The following DSCAML1 variants were observed in gnomAD, a reference collection of about 807,000 sequenced individuals.
The protein encoded by DSCAML1 is DS cell adhesion molecule like 1, also known as cell adhesion molecule DSCAML1.
Under a neutral mutation model 200.5 loss-of-function variants are expected in DSCAML1, and 38 were observed. The observed-to-expected ratio is 0.19, with a 90% CI of 0.15 to 0.25. The LOEUF (loss-of-function observed/expected upper bound fraction) is 0.25. Among genes scored for constraint, DSCAML1 ranks in the 10% least tolerant of loss-of-function variants. The pLI is 1.00. For missense variants in DSCAML1, 2,223 were observed against 2,858.8 expected (o/e 0.78, Z 5.07); for synonymous variants, 1,215 against 1,165.0 (o/e 1.04, Z -0.87).
intron 3 of DSCAML1, among the ~76,000 whole-genome samples, chr11:117,595,432 G>A (rs547925875): frequency 1.5e-4 from 23 of 152,200 alleles, no homozygotes; most frequent in Non-Finnish European, 2.8e-4. Flanking sequence ...TGGAGATCAG[G>A]TTGCGTATGC....
chr11:117,706,736 C>G (rs1196993167), intron 3 of DSCAML1, among the ~76,000 whole-genome samples: 1 of 152,186 alleles, frequency 6.6e-6, no homozygotes, highest in South Asian at 2.1e-4. Context: ...GATCATCGCT[C>G]CTGAACTTGC....
At chr11:117,625,357 C>T (rs2052022052) in intron 3 of DSCAML1, among the ~76,000 whole-genome samples, 1 of 137,906 alleles carries the variant, frequency 7.3e-6, no homozygotes, top group Non-Finnish European at 1.7e-5. Flanking sequence ...CTTAAAACAG[C>T]AATGCCCTTG....
chr11:117,567,335 G>A (rs1415578901), intron 3 of DSCAML1, among the ~76,000 whole-genome samples: 3 of 151,984 alleles, frequency 2.0e-5, no homozygotes, highest in Non-Finnish European at 4.4e-5. Flanking sequence ...GCCAGTGATG[G>A]TGAGCATTTT....
At chr11:117,460,586 G>A (rs1044454966) in intron 18 of DSCAML1, among the ~76,000 whole-genome samples, 3 of 152,148 alleles carry the variant, frequency 2.0e-5, no homozygotes, top group African/African-American at 7.2e-5. Context: ...CCTCTGACCT[G>A]TGTGAGCTAC....
chr11:117,714,994 C>G (rs942056877), intron 3 of DSCAML1, among the ~76,000 whole-genome samples: 1 of 151,912 alleles, frequency 6.6e-6, no homozygotes, highest in Non-Finnish European at 1.5e-5. Flanking sequence ...CCATCAGACC[C>G]AAACCAACCA....
intron 32 of DSCAML1, among the ~76,000 whole-genome samples, chr11:117,429,484 A>G (rs868598896): frequency 2.5e-5 from 3 of 121,502 alleles, no homozygotes; most frequent in Non-Finnish European, 5.9e-5. Flanking sequence ...GCTCACTGCA[A>G]CCTCCGCTTC....
chr11:117,811,720 C>T (rs1433279834), intron 1 of DSCAML1, among the ~76,000 whole-genome samples: 2 of 152,168 alleles, frequency 1.3e-5, no homozygotes, highest in Non-Finnish European at 2.9e-5. Context: ...CCCTGACTGA[C>T]TCCTTCTCGG....
chr11:117,662,566 A>G (rs2052878399), intron 3 of DSCAML1, among the ~76,000 whole-genome samples: 1 of 152,192 alleles, frequency 6.6e-6, no homozygotes, highest in African/African-American at 2.4e-5. Context: ...CTTCCATCCT[A>G]AGACTGTGTC....
At chr11:117,772,007 G>A (rs2055047630) in intron 3 of DSCAML1, among the ~76,000 whole-genome samples, 1 of 152,122 alleles carries the variant, frequency 6.6e-6, no homozygotes, top group South Asian at 2.1e-4. Flanking sequence ...ACGCAAGACA[G>A]AATGAAGGCA....
At chr11:117,479,440 C>G (rs1176144757) in intron 14 of DSCAML1, among the ~76,000 whole-genome samples, 2 of 152,204 alleles carry the variant, frequency 1.3e-5, no homozygotes, top group African/African-American at 4.8e-5. Context: ...CAGAGTGAGA[C>G]AGCTGTTTTC....
chr11:117,459,834 G>C (rs2048444556), intron 18 of DSCAML1, among the ~76,000 whole-genome samples: 1 of 152,244 alleles, frequency 6.6e-6, no homozygotes, highest in Admixed American at 6.5e-5. Flanking sequence ...GATGGTCCAG[G>C]GCAGGCAAAA....
chr11:117,760,858 C>G (rs973117980), intron 3 of DSCAML1, among the ~76,000 whole-genome samples: 51 of 152,170 alleles, frequency 3.4e-4, no homozygotes, highest in African/African-American at 1.0e-3. Flanking sequence ...TATTCCAGCC[C>G]CTTCACTTAC....
chr11:117,553,647 G>A (rs980952069), intron 3 of DSCAML1, among the ~76,000 whole-genome samples: 4 of 152,196 alleles, frequency 2.6e-5, no homozygotes, highest in Non-Finnish European at 5.9e-5. Context: ...ACAAGTGTTG[G>A]CAAGGATGTG....
At chr11:117,737,246 C>T (rs899968111) in intron 3 of DSCAML1, among the ~76,000 whole-genome samples, 2 of 152,214 alleles carry the variant, frequency 1.3e-5, no homozygotes, top group African/African-American at 4.8e-5. Context: ...TCATCCTTTC[C>T]AGTTATTCTA....
intron 3 of DSCAML1, among the ~76,000 whole-genome samples, chr11:117,695,837 G>A (rs2053579373): frequency 6.6e-6 from 1 of 152,186 alleles, no homozygotes; most frequent in Admixed American, 6.5e-5. Flanking sequence ...ATTAATTCAA[G>A]CAGCCTCAGT....
At chr11:117,488,841 T>G (rs2049133252) in intron 11 of DSCAML1, among the ~76,000 whole-genome samples, 2 of 152,238 alleles carry the variant, frequency 1.3e-5, no homozygotes, top group East Asian at 3.8e-4. Context: ...CTAAGTACTT[T>G]GCATGAATGA....
intron 18 of DSCAML1, among the ~76,000 whole-genome samples, chr11:117,460,755 C>G (rs1469675565): frequency 4.6e-5 from 7 of 152,112 alleles, no homozygotes; most frequent in African/African-American, 1.4e-4. Context: ...ATTTCTCTAC[C>G]CCCCTGCTCC....
At chr11:117,501,163 G>A (rs2049385864) in intron 11 of DSCAML1, among the ~76,000 whole-genome samples, 1 of 152,058 alleles carries the variant, frequency 6.6e-6, no homozygotes. Context: ...TGGGAGAATT[G>A]CTATCAGGTT....
At chr11:117,465,574 C>T (rs1247438683) in intron 16 of DSCAML1, among the ~76,000 whole-genome samples, 1 of 152,202 alleles carries the variant, frequency 6.6e-6, no homozygotes, top group Admixed American at 6.5e-5. Context: ...GGTTTATTTT[C>T]CTCCACAGCA....
Sources: gnomAD v4.1 joint callset for allele counts (sites outside exome capture counted in the v4.1 genomes callset) on GRCh38, gnomAD v4.1.1 for gene constraint, MANE v1.5 for transcripts, NCBI Gene and HGNC (gene_info 2026-07-23, HGNC 2026-07-21) for gene names.